CHD1L: variants seen among roughly 807,000 people sequenced by gnomAD.
CHD1L encodes the protein ATP-dependent chromatin remodeler CHD1L.
A neutral mutation model predicts 115.9 loss-of-function variants in CHD1L; 118 were observed. That is an observed-to-expected ratio of 1.02 (90% confidence interval 0.88 to 1.19). CHD1L has a LOEUF of 1.19. Among genes scored for constraint, CHD1L ranks in the 50% most tolerant of loss-of-function variants. The pLI, the probability that CHD1L is intolerant of heterozygous loss-of-function variation, is 0.00. For missense variants in CHD1L, 1,179 were observed against 1,065.3 expected, an observed-to-expected ratio of 1.11 and a Z score of -1.49; for synonymous variants, 411 against 387.1, an observed-to-expected ratio of 1.06 and a Z score of -0.72.
At chr1:147,294,293 C>T (rs1686728249) in intron 21 of CHD1L, 116 bp from the exon 22 acceptor site, 1 of 582,240 alleles carries the variant, frequency 1.7e-6, no homozygotes, top group African/African-American at 1.9e-5. Context: ...ATATTTTTGA[C>T]ATTATAATTA....
intron 14 of CHD1L, among the ~76,000 whole-genome samples, chr1:147,276,550 TAAGAGA>T (rs1460193541): frequency 6.6e-6 from 1 of 152,224 alleles, no homozygotes; most frequent in Non-Finnish European, 1.5e-5. Flanking sequence ...AGAGGGCTGT[TAAGAGA>T]ATTAGTTAAA....
At chr1:147,197,643 G>T in the CHD1L span, among the ~76,000 whole-genome samples, 1 of 152,216 alleles carries the variant, frequency 6.6e-6, no homozygotes, top group South Asian at 2.1e-4. Flanking sequence ...GCCACCCTGT[G>T]AAGAAGTTCC....
the CHD1L span, among the ~76,000 whole-genome samples, chr1:147,192,441 A>G: frequency 3.3e-5 from 5 of 152,252 alleles, no homozygotes; most frequent in South Asian, 8.3e-4. Flanking sequence ...TAGATATACA[A>G]TCATGTCGTC....
intron 19 of CHD1L, among the ~76,000 whole-genome samples, chr1:147,288,322 C>CAGAAAAAAAAAAA (rs1452486110): frequency 1.1e-5 from 1 of 87,894 alleles, no homozygotes; most frequent in African/African-American, 4.8e-5. Context: ...GACCCTGTTT[C>CAGAAAAAAAAAAA]AATAAAAAAA....
chr1:147,236,611 T>C, the CHD1L span, among the ~76,000 whole-genome samples: 5 of 151,148 alleles, frequency 3.3e-5, no homozygotes, highest in African/African-American at 9.7e-5. Flanking sequence ...CTCTCTGCAG[T>C]TGGTTGTCCC....
the CHD1L span, among the ~76,000 whole-genome samples, chr1:147,228,492 C>A: frequency 6.6e-6 from 1 of 152,164 alleles, no homozygotes; most frequent in Admixed American, 6.5e-5. Context: ...GTCTTCATAG[C>A]AGCATGATTT....
chr1:147,265,857 C>A (rs1013467530), intron 7 of CHD1L, 75 bp from the exon 8 acceptor site: 4 of 1,346,142 alleles, frequency 3.0e-6, no homozygotes, highest in African/African-American at 3.0e-5. Flanking sequence ...AAATAAATTT[C>A]TTTAAGTTCT....
chr1:147,288,198 G>A (rs1410895120), intron 19 of CHD1L, among the ~76,000 whole-genome samples: 1 of 151,776 alleles, frequency 6.6e-6, no homozygotes, highest in Non-Finnish European at 1.5e-5. Flanking sequence ...GGTGGTGCAT[G>A]CCCGTAGTTC....
At chr1:147,201,584 G>A in the CHD1L span, 5 of 1,065,128 alleles carry the variant, frequency 4.7e-6, no homozygotes, top group Non-Finnish European at 5.6e-6. Flanking sequence ...TTGCTTTGGT[G>A]GAGGTAAACA....
the CHD1L span, among the ~76,000 whole-genome samples, chr1:147,237,504 C>T: frequency 6.6e-6 from 1 of 152,106 alleles, no homozygotes; most frequent in Non-Finnish European, 1.5e-5. Flanking sequence ...AGCTGGGCAG[C>T]CACAGCTGTA....
chr1:147,276,091 G>T lies in CHD1L; in HGVS notation c.1386-13G>T. 6.2e-7 allele frequency: 1 copy of T among 1,613,588 alleles called. No individual in the cohort carries two copies. Among genetic ancestry groups the T allele is most frequent in the South Asian group, 1.1e-5 (1 of 90,996 alleles). Reference sequence around the variant, plus strand: ...CCCTTATAGCACACTACCCTTGTTTGACTTATGTCCAGGTCTGTTAAAGTT... The same window carrying T: ...CCCTTATAGCACACTACCCTTGTTTTACTTATGTCCAGGTCTGTTAAAGTT... On this transcript the variant is annotated splice_polypyrimidine_tract_variant and intron_variant, in intron 13 of 22. Coordinates refer to ENST00000369258, the MANE Select transcript of CHD1L (RefSeq NM_004284.6).
the CHD1L span, chr1:147,176,229 T>C: frequency 2.0e-5 from 3 of 152,200 alleles, no homozygotes; most frequent in East Asian, 3.8e-4. Context: ...AATCTTTTTA[T>C]AGTTTTTATA....
At chr1:147,295,316 GAATT>G (rs1352318687) in intron 22 of CHD1L, 111 bp from the exon 23 acceptor site, 8 of 729,892 alleles carry the variant, frequency 1.1e-5, no homozygotes, top group Admixed American at 4.8e-5. Context: ...TATCGTGAGA[GAATT>G]AAAGCATACT....
intron 2 of CHD1L, among the ~76,000 whole-genome samples, chr1:147,254,653 A>T (rs145527976): frequency 1.3e-5 from 2 of 152,212 alleles, no homozygotes; most frequent in Non-Finnish European, 2.9e-5. Context: ...CTACTGAAGT[A>T]ATTGAGTTCC....
intron 15 of CHD1L, among the ~76,000 whole-genome samples, chr1:147,283,864 G>A (rs587696590): frequency 6.6e-6 from 1 of 152,304 alleles, no homozygotes; most frequent in East Asian, 1.9e-4. Flanking sequence ...GGATTGTGGT[G>A]AGGATCATGA....
In CHD1L at chr1:147,267,518, G is replaced by A; in HGVS notation, c.988G>A (p.Gly330Ser). 3 of 1,607,272 alleles carry A rather than the reference G, an allele frequency of 1.9e-6. No individual in the cohort carries two copies. Among genetic ancestry groups the A allele is most frequent in the African/African-American group, 1.3e-5 (1 of 74,700 alleles). ...TGTGGATCACCCATATTTGTTTGAT[G>A]GTGAGACAGTGCCTTTTCCCCCCAC... Reference protein sequence around the residue: ...KCVDHPYLFDGVEPEPFEVGD... With the variant: ...KCVDHPYLFDSVEPEPFEVGD... The change falls in exon 9 of 23, where the codon GGT becomes AGT. Residue 330 changes from glycine to serine, a missense_variant and splice_region_variant. Coordinates refer to ENST00000369258, the MANE Select transcript of CHD1L (RefSeq NM_004284.6).
the CHD1L span, among the ~76,000 whole-genome samples, chr1:147,233,173 C>A: frequency 1.3e-5 from 2 of 151,040 alleles, no homozygotes; most frequent in African/African-American, 4.9e-5. Context: ...AGGTGAAGAA[C>A]GTCTCTGCCC....
chr1:147,203,602 C>G, the CHD1L span: 1 of 1,142,796 alleles, frequency 8.8e-7, no homozygotes, highest in Non-Finnish European at 1.3e-6. Flanking sequence ...TAGCTTCAAA[C>G]GCCTCAGCAA....
At chr1:147,261,401 C>CTT (rs201084245) in intron 6 of CHD1L, among the ~76,000 whole-genome samples, 44,009 of 128,880 alleles carry the variant, frequency 0.34, 6,721 homozygotes, top group East Asian at 0.48. Context: ...CTGCATGACA[C>CTT]TTTTTTTTTT....
Sources: allele counts gnomAD v4.1 joint callset (sites outside exome capture counted in the v4.1 genomes callset), GRCh38; gene constraint gnomAD v4.1.1; transcripts MANE v1.5; gene names NCBI Gene and HGNC (gene_info 2026-07-23, HGNC 2026-07-21).